MTHFS: variants seen among roughly 807,000 people sequenced by gnomAD.
MTHFS encodes the protein methenyltetrahydrofolate synthetase.
Under a neutral mutation model 12.7 loss-of-function variants are expected in MTHFS, and 7 were observed. That is an observed-to-expected ratio of 0.55 (90% CI 0.31 to 1.03). The LOEUF (loss-of-function observed/expected upper bound fraction) is 1.03. Ranked by LOEUF, MTHFS falls within the 50% of genes least tolerant of loss-of-function variation. The pLI is 0.05. For missense variants in MTHFS, 252 were observed against 258.1 expected (o/e 0.98, Z 0.16); for synonymous variants, 100 against 97.1 (o/e 1.03, Z -0.18).
At chr15:79,869,436 T>C (rs1373398307) in intron 2 of MTHFS, among the ~76,000 whole-genome samples, 1 of 152,124 alleles carries the variant, frequency 6.6e-6, no homozygotes, top group African/African-American at 2.4e-5. Context: ...TAACAATTGC[T>C]TAGAGGTTTT....
intron 1 of MTHFS, among the ~76,000 whole-genome samples, chr15:79,896,277 G>C (rs902732312): frequency 1.3e-5 from 2 of 152,216 alleles, no homozygotes; most frequent in African/African-American, 4.8e-5. Flanking sequence ...AGGCCCTGGA[G>C]CTACTGAGAC....
intron 2 of MTHFS, among the ~76,000 whole-genome samples, chr15:79,887,980 T>C (rs901625929): frequency 5.9e-5 from 9 of 152,098 alleles, no homozygotes; most frequent in Non-Finnish European, 1.3e-4. Flanking sequence ...GCTATGGTGT[T>C]ATATTGGAAG....
intron 2 of MTHFS, among the ~76,000 whole-genome samples, chr15:79,869,548 C>A (rs1174297191): frequency 6.6e-6 from 1 of 152,082 alleles, no homozygotes; most frequent in Non-Finnish European, 1.5e-5. Context: ...AATCCTCTCA[C>A]CTCAGCCTCC....
intron 1 of MTHFS, 127 bp from the exon 2 acceptor site, chr15:79,889,481 G>A (rs2034436849): frequency 2.2e-6 from 3 of 1,368,440 alleles, no homozygotes; most frequent in Non-Finnish European, 1.9e-6. Flanking sequence ...AAAAGGGGGG[G>A]GGACCAGAGT....
At chr15:79,896,722 G>C in intron 1 of MTHFS, 150 bp downstream of exon 1, 1 of 923,818 alleles carries the variant, frequency 1.1e-6, no homozygotes, top group Non-Finnish European at 1.4e-6. Flanking sequence ...GGGGGCGTGC[G>C]CGCGCCGGGA....
chr15:79,883,932 A>C (rs985034283), intron 2 of MTHFS, among the ~76,000 whole-genome samples: 1 of 152,218 alleles, frequency 6.6e-6, no homozygotes, highest in Non-Finnish European at 1.5e-5. Flanking sequence ...GTATAAACAA[A>C]ATCACTTTCA....
chr15:79,885,719 G>C (rs1257709511), intron 2 of MTHFS, among the ~76,000 whole-genome samples: 1 of 152,174 alleles, frequency 6.6e-6, no homozygotes, highest in Non-Finnish European at 1.5e-5. Context: ...GGACTTTATC[G>C]GACTGTTAGA....
chr15:79,896,955 T>G lies in MTHFS; in HGVS notation c.34A>C (p.Ser12Arg), dbSNP rs1384327661. The G allele has an allele frequency of 1.3e-6, 2 of 1,536,562 alleles. No homozygotes were observed. Among genetic ancestry groups the G allele is most frequent in the Non-Finnish European group, 1.7e-6 (2 of 1,145,570 alleles). Reference protein sequence around the residue: ...AAAAVSSAKRSLRGELKQRLR... With the variant: ...AAAAVSSAKRRLRGELKQRLR... ...CGCTGCTTCAGCTCTCCCCGCAGGC[T>G]CCGCTTGGCGCTGCTCACCGCTGCC... The change falls in exon 1 of 3, where the codon AGC (serine) becomes CGC (arginine). Residue 12 changes from serine to arginine, a missense_variant. Physicochemically the swap from Ser to Arg is moderately radical, Grantham distance 110. Transcript: ENST00000258874.
At chr15:79,859,041 T>G (rs1292870170) in intron 2 of MTHFS, among the ~76,000 whole-genome samples, 1 of 152,166 alleles carries the variant, frequency 6.6e-6, no homozygotes, top group African/African-American at 2.4e-5. Flanking sequence ...ACAACATGAC[T>G]AGAAGCAAAA....
intron 2 of MTHFS, among the ~76,000 whole-genome samples, chr15:79,866,061 TA>T (rs765670661): frequency 7.0e-6 from 1 of 143,606 alleles, no homozygotes; most frequent in Non-Finnish European, 1.5e-5. Flanking sequence ...TTTTTTTTTT[TA>T]AGGAGGAGGA....
At chr15:79,879,142 T>C (rs1193924297) in intron 2 of MTHFS, among the ~76,000 whole-genome samples, 2 of 152,094 alleles carry the variant, frequency 1.3e-5, no homozygotes, top group African/African-American at 4.8e-5. Context: ...ATCATGCTTT[T>C]CATTTGTATC....
intron 2 of MTHFS, among the ~76,000 whole-genome samples, chr15:79,849,260 C>T (rs2033670921): frequency 6.6e-6 from 1 of 152,140 alleles, no homozygotes; most frequent in Non-Finnish European, 1.5e-5. Flanking sequence ...TAGTCTTCTC[C>T]CACTTCTGCT....
chr15:79,866,116 T>C (rs942617440), intron 2 of MTHFS, among the ~76,000 whole-genome samples: 5 of 151,588 alleles, frequency 3.3e-5, no homozygotes, highest in East Asian at 1.9e-4. Flanking sequence ...GTGACAGCGA[T>C]GGTGGCATTC....
intron 2 of MTHFS, among the ~76,000 whole-genome samples, chr15:79,870,269 T>G (rs977387941): frequency 6.6e-6 from 1 of 152,246 alleles, no homozygotes; most frequent in African/African-American, 2.4e-5. Context: ...GTCTGTTGCC[T>G]GTTTTTGTAA....
chr15:79,896,849 T>C, intron 1 of MTHFS, 23 bp downstream of exon 1: 1 of 1,540,214 alleles, frequency 6.5e-7, no homozygotes, highest in Admixed American at 2.0e-5. Context: ...CCGCCGCGGC[T>C]TCCGCTACGG....
At chr15:79,880,778 G>T (rs2034283006) in intron 2 of MTHFS, among the ~76,000 whole-genome samples, 1 of 142,068 alleles carries the variant, frequency 7.0e-6, no homozygotes, top group African/African-American at 2.6e-5. Context: ...CCTAATCCCT[G>T]CAAGTAGTAA....
At chr15:79,873,385 C>A (rs2034139219) in intron 2 of MTHFS, among the ~76,000 whole-genome samples, 2 of 152,098 alleles carry the variant, frequency 1.3e-5, no homozygotes. Context: ...TGAAGCAATG[C>A]AAAATAATTG....
chr15:79,871,825 G>T (rs118059790), intron 2 of MTHFS, among the ~76,000 whole-genome samples: 1,574 of 151,964 alleles, frequency 0.01, 10 homozygotes, highest in Non-Finnish European at 0.018. Flanking sequence ...TTTTTACATA[G>T]GCCGGGCACG....
chr15:79,851,813 TTAAG>T (rs1368542605), intron 2 of MTHFS, among the ~76,000 whole-genome samples: 1 of 152,058 alleles, frequency 6.6e-6, no homozygotes, highest in Admixed American at 6.6e-5. Flanking sequence ...ACAAATGAGA[TTAAG>T]TAAAGGTATG....
Sources: gnomAD v4.1 joint callset for allele counts (sites outside exome capture counted in the v4.1 genomes callset) on GRCh38, gnomAD v4.1.1 for gene constraint, MANE v1.5 for transcripts, NCBI Gene and HGNC (gene_info 2026-07-23, HGNC 2026-07-21) for gene names.